Variants in SEM1 observed in about 807,000 individuals in gnomAD.
SEM1 encodes 26S proteasome complex subunit SEM1.
In SEM1, 3 loss-of-function variants were observed where a neutral mutation model predicts 12.7. That is an observed-to-expected ratio of 0.24 (90% CI 0.11 to 0.61). The LOEUF (loss-of-function observed/expected upper bound fraction) is 0.61, where lower values mean the gene tolerates loss of function less well. SEM1 is among the 20% of genes least tolerant of loss of function. The pLI is 0.88. For synonymous variants in SEM1, 30 were observed against 27.8 expected (o/e 1.08, Z -0.25); for missense variants, 59 against 81.3 (o/e 0.73, Z 1.06).
downstream of SEM1, among the ~76,000 whole-genome samples, chr7:96,669,921 C>T (rs575991597): frequency 6.6e-6 from 1 of 152,194 alleles, no homozygotes; most frequent in African/African-American, 2.4e-5. Flanking sequence ...AAATGCTGTA[C>T]AAAATTATCT....
intron 2 of SEM1, among the ~76,000 whole-genome samples, chr7:96,543,808 T>G (rs1308576822): frequency 6.6e-6 from 1 of 152,006 alleles, no homozygotes; most frequent in East Asian, 1.9e-4. Context: ...AAAATCCACA[T>G]GCTTGGTGGT....
chr7:96,694,315 G>A (rs986853319), intron 2 of SEM1, among the ~76,000 whole-genome samples: 7 of 151,914 alleles, frequency 4.6e-5, no homozygotes, highest in African/African-American at 1.7e-4. Flanking sequence ...CCACTGAACT[G>A]TACACTTTCA....
intron 1 of SEM1, among the ~76,000 whole-genome samples, chr7:96,700,764 A>C (rs1426401579): frequency 6.6e-6 from 1 of 152,176 alleles, no homozygotes; most frequent in East Asian, 1.9e-4. Flanking sequence ...CTAACCAAAT[A>C]GTTTTTCAAA....
Position 96,606,245 on chromosome 7 carries a change from T to C in SEM1, c.170+88553A>G, listed in dbSNP as rs78938868. 3.2e-3 allele frequency among the ~76,000 whole-genome samples: 490 copies of C among 152,298 alleles called. 4 individuals carry two copies. Among genetic ancestry groups the C allele is most frequent in the African/African-American group, 0.011 (475 of 41,554 alleles). The stretch of plus-strand genomic sequence containing the variant: ...ATTTGCAGGCATCCACTGGGGGTAA[T>C]TGATAAGGGAGGATCACTCTAAATA... On this transcript the variant is annotated intron_variant and NMD_transcript_variant, in intron 2 of 3. Transcript: ENST00000466986.
At chr7:96,681,307 G>T (rs1484753130) in intron 2 of SEM1, among the ~76,000 whole-genome samples, 1 of 152,082 alleles carries the variant, frequency 6.6e-6, no homozygotes, top group Non-Finnish European at 1.5e-5. Context: ...ACAATGCGGT[G>T]TTTTTTCTAG....
chr7:96,557,009 A>C (rs1187821245), intron 2 of SEM1, among the ~76,000 whole-genome samples: 2 of 149,046 alleles, frequency 1.3e-5, no homozygotes, highest in African/African-American at 4.9e-5. Context: ...TGCATTCTTC[A>C]CGTAGTTCTC....
At chr7:96,511,744 A>G (rs1418186944) in intron 2 of SEM1, among the ~76,000 whole-genome samples, 1 of 152,166 alleles carries the variant, frequency 6.6e-6, no homozygotes, top group Non-Finnish European at 1.5e-5. Context: ...GAGTAAGTGC[A>G]TAAAATGGAC....
chr7:96,488,929 T>G (rs995962401), intron 1 of SEM1, among the ~76,000 whole-genome samples: 9 of 152,118 alleles, frequency 5.9e-5, no homozygotes, highest in Admixed American at 1.3e-4. Context: ...GTTTTTCATC[T>G]CAGGTATTCA....
chr7:96,511,204 A>G (rs765351707), intron 2 of SEM1, among the ~76,000 whole-genome samples: 5 of 152,166 alleles, frequency 3.3e-5, no homozygotes, highest in African/African-American at 7.2e-5. Flanking sequence ...CCAGTCCTCA[A>G]GGAATAATTT....
chr7:96,673,772 G>GA lies in SEM1; in HGVS notation c.257dup (p.Leu87ProfsTer17), dbSNP rs1179073246. ...GGTTGATGATCTGTTAACAGCAGAG[G>GA]AAAGCACTGCACATTCTTCCCTTTT... On this transcript the variant is annotated frameshift_variant, in exon 3 of 3. Coordinates refer to the SEM1 transcript ENST00000413065. LOFTEE classifies it high-confidence loss of function. 4 of 765,292 alleles carry GA rather than the reference G, an allele frequency of 5.2e-6. No homozygotes were observed. The South Asian group carries it at 5.4e-5, about 10-fold the overall frequency. 47.4% of individuals were successfully genotyped at this position (765,292 alleles called of 1,614,324 possible).
chr7:96,559,668 T>C (rs1017164483), intron 2 of SEM1, among the ~76,000 whole-genome samples: 1 of 152,240 alleles, frequency 6.6e-6, no homozygotes, highest in Non-Finnish European at 1.5e-5. Context: ...TATAGCACTT[T>C]TAAAGGCTAC....
At chr7:96,591,600 C>A (rs1371639308) in intron 2 of SEM1, among the ~76,000 whole-genome samples, 5 of 152,208 alleles carry the variant, frequency 3.3e-5, no homozygotes, top group African/African-American at 7.2e-5. Context: ...CAGATGGCTT[C>A]TACCCAGAAA....
exon 4 of SEM1, chr7:96,481,908 AT>A (rs1200062173): frequency 1.3e-5 from 2 of 152,172 alleles, no homozygotes; most frequent in Non-Finnish European, 2.9e-5. Flanking sequence ...CTAAATCACC[AT>A]CTGCAACTTT....
upstream of SEM1, among the ~76,000 whole-genome samples, chr7:96,497,018 C>G (rs1187747771): frequency 1.3e-5 from 2 of 151,976 alleles, no homozygotes; most frequent in East Asian, 3.9e-4. Flanking sequence ...TACACACACA[C>G]ACACACACAC....
chr7:96,575,926 G>A (rs1330483587), intron 2 of SEM1, among the ~76,000 whole-genome samples: 1 of 152,122 alleles, frequency 6.6e-6, no homozygotes, highest in Non-Finnish European at 1.5e-5. Context: ...TGAAGAAGAC[G>A]ACACATGTAC....
intron 2 of SEM1, among the ~76,000 whole-genome samples, chr7:96,564,825 G>A (rs1805798056): frequency 6.6e-6 from 1 of 151,912 alleles, no homozygotes; most frequent in African/African-American, 2.4e-5. Context: ...AATATTGATA[G>A]AAAACCAAGA....
exon 2 of SEM1, chr7:96,486,291 C>T (rs1203221211): frequency 5.9e-6 from 9 of 1,537,086 alleles, no homozygotes; most frequent in Non-Finnish European, 7.8e-6. Context: ...TGCTTACTCT[C>T]ATGGATCCAG....
intron 2 of SEM1, among the ~76,000 whole-genome samples, chr7:96,550,605 C>T (rs774666977): frequency 4.0e-5 from 6 of 151,856 alleles, no homozygotes; most frequent in Non-Finnish European, 7.4e-5. Context: ...TTATAACTAG[C>T]GATAAGAAAA....
chr7:96,558,314 C>T (rs1370666950), intron 2 of SEM1: 1 of 152,250 alleles, frequency 6.6e-6, no homozygotes. Context: ...CTTTGCCTTC[C>T]AGAAGTTTAG....
Sources: gnomAD v4.1 joint callset for allele counts (sites outside exome capture counted in the v4.1 genomes callset) on GRCh38, gnomAD v4.1.1 for gene constraint, MANE v1.5 for transcripts, NCBI Gene and HGNC (gene_info 2026-07-23, HGNC 2026-07-21) for gene names.